Variants in GNG2 observed in about 807,000 individuals in gnomAD.
GNG2 encodes guanine nucleotide-binding protein G(I)/G(S)/G(O) subunit gamma-2.
A neutral mutation model predicts 5.5 loss-of-function variants in GNG2; 5 were observed. That is an observed-to-expected ratio of 0.91 (90% CI 0.48 to 1.92). The LOEUF is 1.92. GNG2 is among the 30% of genes most tolerant of loss of function. The probability of loss-of-function intolerance (pLI) is 0.01; values close to 1 mark genes in which losing one functional copy is unlikely to be tolerated. For missense variants in GNG2, 55 were observed against 88.4 expected (o/e 0.62, Z 1.52); for synonymous variants, 28 against 32.0 (o/e 0.88, Z 0.42).
chr14:51,827,640 C>A, intron 1 of GNG2: 1 of 692,696 alleles, frequency 1.4e-6, no homozygotes, highest in Non-Finnish European at 2.6e-6. Context: ...GTTGGATGTT[C>A]ATCCACGTAT....
chr14:51,875,430 T>C (rs1239313761), intron 1 of GNG2, among the ~76,000 whole-genome samples: 1 of 152,228 alleles, frequency 6.6e-6, no homozygotes, highest in Non-Finnish European at 1.5e-5. Flanking sequence ...ATTATTGATA[T>C]GTAGGTGCTT....
At position 51,840,558 on chromosome 14, in the gene GNG2, A is replaced by G. The variant is rs570732946; in HGVS notation, c.64+12751A>G. On this transcript the variant is annotated intron_variant, in intron 2 of 3. Transcript: ENST00000553432. The stretch of plus-strand genomic sequence containing the variant: ...TCTTCCACTGGTGCCCCAATCTCAA[A>G]CTCTCTGCATCTTAAATTTTGCTTC... Among the ~76,000 whole-genome samples, 3 of 152,018 alleles carry G rather than the reference A, an allele frequency of 2.0e-5. No individual in the cohort carries two copies. The South Asian group carries it at 6.3e-4, about 32-fold the overall frequency.
chr14:51,843,927 G>A (rs943123912), intron 2 of GNG2, among the ~76,000 whole-genome samples: 5 of 152,154 alleles, frequency 3.3e-5, no homozygotes, highest in Non-Finnish European at 5.9e-5. Context: ...CAGCCTGCAA[G>A]GCCCCCTTTC....
At chr14:51,898,678 A>G (rs1017829118) in intron 2 of GNG2, among the ~76,000 whole-genome samples, 3 of 152,228 alleles carry the variant, frequency 2.0e-5, no homozygotes, top group African/African-American at 7.2e-5. Flanking sequence ...TGTGCAACTC[A>G]TTGCAGAGCC....
At position 51,952,011 on chromosome 14, in the gene GNG2, C is replaced by T. The variant is rs1022646987; in HGVS notation, c.87+1246C>T. 2.6e-5 allele frequency: 17 copies of T among 651,020 alleles called. No homozygotes were observed. In the African/African-American group the frequency reaches 2.9e-4, roughly 11 times the overall value. 40.3% of individuals were successfully genotyped at this position (651,020 alleles called of 1,614,324 possible). On this transcript the variant is annotated intron_variant, in intron 3 of 3. Transcript: ENST00000556766. ...CCCAAACCAATTAAATTAGAATCTCCTGGGGTATGATTCAGGCATCAGTAT... is the reference window on the plus strand; with the variant it reads ...CCCAAACCAATTAAATTAGAATCTCTTGGGGTATGATTCAGGCATCAGTAT...
chr14:51,913,993 TA>T, intron 2 of GNG2: 1 of 496,608 alleles, frequency 2.0e-6, no homozygotes, highest in Non-Finnish European at 3.6e-6. Flanking sequence ...AGAATATCAC[TA>T]AAATTTTATC....
intron 2 of GNG2, among the ~76,000 whole-genome samples, chr14:51,854,486 G>T (rs1011014843): frequency 6.6e-6 from 1 of 151,890 alleles, no homozygotes; most frequent in Non-Finnish European, 1.5e-5. Context: ...AGGCCTCCAT[G>T]GCTCTTTTTT....
chr14:51,920,723 A>T (rs1157306699), intron 2 of GNG2, among the ~76,000 whole-genome samples: 2 of 152,184 alleles, frequency 1.3e-5, no homozygotes, highest in Non-Finnish European at 2.9e-5. Flanking sequence ...TTTCCATTTC[A>T]TTCTATGTAG....
intron 2 of GNG2, among the ~76,000 whole-genome samples, chr14:51,921,472 T>C (rs79595759): frequency 0.01 from 1,551 of 152,332 alleles, 36 homozygotes; most frequent in African/African-American, 0.036. Flanking sequence ...ATTTCCACAA[T>C]TCTTACCAAA....
chr14:51,884,305 G>T (rs954926332), intron 2 of GNG2, among the ~76,000 whole-genome samples: 1 of 152,236 alleles, frequency 6.6e-6, no homozygotes, highest in Admixed American at 6.5e-5. Context: ...GGATGTTAAT[G>T]TGTAGTTTTA....
intron 1 of GNG2, among the ~76,000 whole-genome samples, chr14:51,866,192 C>A (rs556658504): frequency 4.1e-4 from 63 of 152,328 alleles, no homozygotes; most frequent in African/African-American, 1.2e-3. Flanking sequence ...CAGGCATTCC[C>A]CTGATCCTCT....
chr14:51,903,787 A>G (rs1885720653), intron 2 of GNG2, among the ~76,000 whole-genome samples: 1 of 152,202 alleles, frequency 6.6e-6, no homozygotes, highest in Non-Finnish European at 1.5e-5. Flanking sequence ...CAAGGTCAGA[A>G]AATGAAAACC....
intron 3 of GNG2, among the ~76,000 whole-genome samples, chr14:51,957,776 G>A (rs75264573): frequency 0.042 from 6,424 of 152,182 alleles, 463 homozygotes; most frequent in African/African-American, 0.15. Context: ...TTAGACTTCC[G>A]TGACCTTCAT....
chr14:51,879,068 A>G lies in GNG2; in HGVS notation c.-30+1411A>G, dbSNP rs187288087. Among the ~76,000 whole-genome samples the G allele has an allele frequency of 2.5e-4, 38 of 152,342 alleles. No homozygotes were observed. The East Asian group carries it at 2.9e-3, about 12-fold the overall frequency. ...ATCTTCCAGTCATTGTGACATCCAG[A>G]GCACTCTAGGGAGACGTTGTGAACA... On this transcript the variant is annotated intron_variant, in intron 2 of 3. Coordinates refer to ENST00000556766, the MANE Select transcript of GNG2 (RefSeq NM_053064.5).
At chr14:51,873,959 A>G (rs79706126) in intron 1 of GNG2, 4,778 of 152,266 alleles carry the variant, frequency 0.031, 299 homozygotes, top group East Asian at 0.24. Flanking sequence ...AGGTTATGTG[A>G]GCTCTGCCAA....
At chr14:51,848,999 G>A (rs1312167857) in intron 2 of GNG2, among the ~76,000 whole-genome samples, 4 of 152,132 alleles carry the variant, frequency 2.6e-5, no homozygotes, top group African/African-American at 4.8e-5. Flanking sequence ...CCAAAACAGC[G>A]GTTTCATACA....
chr14:51,830,284 C>T (rs752108123), intron 2 of GNG2, among the ~76,000 whole-genome samples: 13 of 152,144 alleles, frequency 8.5e-5, no homozygotes, highest in African/African-American at 1.4e-4. Context: ...ACTGGAGTGC[C>T]TCAGAACTCA....
chr14:51,916,095 C>T (rs574639851), intron 2 of GNG2: 2 of 188,166 alleles, frequency 1.1e-5, no homozygotes, highest in East Asian at 3.4e-4. Context: ...CAACATACTA[C>T]ATAGAGTAGG....
At chr14:51,916,798 C>G (rs1415173780) in intron 2 of GNG2, among the ~76,000 whole-genome samples, 5 of 152,274 alleles carry the variant, frequency 3.3e-5, no homozygotes, top group South Asian at 4.1e-4. Flanking sequence ...TTTGAAGCAG[C>G]CTCCCATCTA....
Sources: allele counts gnomAD v4.1 joint callset (sites outside exome capture counted in the v4.1 genomes callset), GRCh38; gene constraint gnomAD v4.1.1; transcripts MANE v1.5; gene names NCBI Gene and HGNC (gene_info 2026-07-23, HGNC 2026-07-21).